MYOF: variants seen among roughly 807,000 people sequenced by gnomAD.
MYOF encodes myoferlin.
In MYOF, 244 loss-of-function variants were observed where a neutral mutation model predicts 284.2. That is an observed-to-expected ratio of 0.86 (90% CI 0.77 to 0.95). The LOEUF (loss-of-function observed/expected upper bound fraction) is 0.95, where lower values mean the gene tolerates loss of function less well. Among genes scored for constraint, MYOF ranks in the 40% least tolerant of loss-of-function variants. The probability of loss-of-function intolerance (pLI) is 0.00; values close to 1 mark genes in which losing one functional copy is unlikely to be tolerated. For synonymous variants in MYOF, 904 were observed against 919.7 expected, an observed-to-expected ratio of 0.98 and a Z score of 0.31; for missense variants, 2,496 against 2,560.6, an observed-to-expected ratio of 0.97 and a Z score of 0.54.
chr10:93,372,897 G>C, intron 24 of MYOF, 33 bp downstream of exon 24: 4 of 1,612,644 alleles, frequency 2.5e-6, no homozygotes, highest in Non-Finnish European at 3.4e-6. Flanking sequence ...TTTGCATTTA[G>C]TGTGTTTCAC....
At chr10:93,473,641 G>A (rs1441583255) in intron 1 of MYOF, among the ~76,000 whole-genome samples, 1 of 152,204 alleles carries the variant, frequency 6.6e-6, no homozygotes, top group Non-Finnish European at 1.5e-5. Flanking sequence ...GCTCTTGTGA[G>A]GTCTGTGATC....
At chr10:93,332,539 CT>C (rs1212225047) in intron 43 of MYOF, among the ~76,000 whole-genome samples, 2 of 151,286 alleles carry the variant, frequency 1.3e-5, no homozygotes, top group Non-Finnish European at 2.9e-5. Context: ...CTCTTAAAAG[CT>C]AAGTACATTA....
At chr10:93,475,656 A>G (rs1218097739) in intron 1 of MYOF, among the ~76,000 whole-genome samples, 1 of 152,206 alleles carries the variant, frequency 6.6e-6, no homozygotes, top group Non-Finnish European at 1.5e-5. Context: ...TATATTCAAC[A>G]TCAGTGATGT....
In MYOF at chr10:93,429,240, G is replaced by A. The variant is rs117426889; in HGVS notation, c.345+2168C>T. Among the ~76,000 whole-genome samples the A allele has an allele frequency of 5.8e-3, 878 of 152,156 alleles. 2 individuals carry two copies. The highest frequency in any genetic ancestry group is 9.9e-3 in the Non-Finnish European group (675 of 68,012). On this transcript the variant is annotated intron_variant, in intron 4 of 53. Transcript: ENST00000359263. Reference sequence around the variant, plus strand: ...TGCTCCCTTTCTCACTATGTGTCACGCCTGCTTCCTCTCCACCTTCCCCCA... The same window carrying A: ...TGCTCCCTTTCTCACTATGTGTCACACCTGCTTCCTCTCCACCTTCCCCCA...
rs1215948526 is a variant in MYOF at position 93,401,818 on chromosome 10, TGTGTGTGTGTGTGA to T, written c.991-288_991-275del. ...GTGTGTGTGTGTGTGTGTGTGTGTGTGTGTGTGTGTGTGATCCTGATGTCCCTTCAACTTCTCTC... is the reference window on the plus strand; with the variant it reads ...GTGTGTGTGTGTGTGTGTGTGTGTGTTCCTGATGTCCCTTCAACTTCTCTC... On this transcript the variant is annotated intron_variant, in intron 11 of 53. Coordinates refer to ENST00000359263, the MANE Select transcript of MYOF (RefSeq NM_013451.4). Among the ~76,000 whole-genome samples the T allele has an allele frequency of 8.6e-4, 67 of 78,306 alleles. No homozygotes were observed. The Middle Eastern group carries it at 0.036, about 42-fold the overall frequency. The allele number at this position is 78,306 out of a possible 152,430, so 51.4% of individuals were successfully genotyped here.
At chr10:93,437,586 C>G (rs980953805) in intron 3 of MYOF, among the ~76,000 whole-genome samples, 7 of 152,318 alleles carry the variant, frequency 4.6e-5, no homozygotes, top group African/African-American at 1.7e-4. Flanking sequence ...GATCGCAGCA[C>G]GGTCTCAACT....
chr10:93,430,060 A>T (rs1848768597), intron 4 of MYOF, among the ~76,000 whole-genome samples: 1 of 151,170 alleles, frequency 6.6e-6, no homozygotes, highest in African/African-American at 2.4e-5. Context: ...TCAGCCTCCC[A>T]AGTAGATGGG....
intron 1 of MYOF, among the ~76,000 whole-genome samples, chr10:93,481,872 C>A (rs754658948): frequency 2.0e-5 from 3 of 152,154 alleles, no homozygotes; most frequent in Non-Finnish European, 4.4e-5. Context: ...CAAGAGCTTA[C>A]AGAAATCACA....
intron 19 of MYOF, among the ~76,000 whole-genome samples, chr10:93,382,116 G>A (rs765417534): frequency 6.6e-6 from 1 of 152,140 alleles, no homozygotes; most frequent in Non-Finnish European, 1.5e-5. Flanking sequence ...AAGAAGGTCT[G>A]GAGGAATATA....
chr10:93,362,098 C>T (rs879898628), intron 27 of MYOF, among the ~76,000 whole-genome samples: 8 of 151,848 alleles, frequency 5.3e-5, no homozygotes, highest in African/African-American at 1.2e-4. Flanking sequence ...TACAGGTGTG[C>T]GCCACCATGC....
At chr10:93,331,759 CAG>C (rs1191382390) in intron 43 of MYOF, among the ~76,000 whole-genome samples, 16 of 151,812 alleles carry the variant, frequency 1.1e-4, no homozygotes, top group Admixed American at 8.5e-4. Flanking sequence ...TGACACATGA[CAG>C]AGAAAGAATA....
At chr10:93,339,828 A>C (rs897612543) in intron 39 of MYOF, among the ~76,000 whole-genome samples, 4 of 152,008 alleles carry the variant, frequency 2.6e-5, no homozygotes, top group Non-Finnish European at 5.9e-5. Flanking sequence ...GCCTGTAATC[A>C]CAGCACTTTG....
chr10:93,340,761 T>C (rs987425818), intron 38 of MYOF, among the ~76,000 whole-genome samples: 1 of 11,832 alleles, frequency 8.5e-5, no homozygotes, highest in Admixed American at 6.4e-4. Flanking sequence ...TTTCATGTGA[T>C]TTTTTTTTAA....
intron 37 of MYOF, among the ~76,000 whole-genome samples, chr10:93,345,954 A>T (rs1345031554): frequency 6.6e-6 from 1 of 152,182 alleles, no homozygotes; most frequent in Non-Finnish European, 1.5e-5. Context: ...GGGCCAGAGA[A>T]AGCGTGTAGC....
chr10:93,412,871 C>T (rs1344844431), intron 5 of MYOF, among the ~76,000 whole-genome samples: 1 of 152,204 alleles, frequency 6.6e-6, no homozygotes, highest in African/African-American at 2.4e-5. Flanking sequence ...CCAACCTTGG[C>T]ACCAGCCTCG....
intron 1 of MYOF, among the ~76,000 whole-genome samples, chr10:93,477,263 G>T (rs1295729370): frequency 1.3e-5 from 2 of 148,832 alleles, no homozygotes; most frequent in East Asian, 2.0e-4. Flanking sequence ...AGGCCGAGGC[G>T]GGTGGATCAC....
intron 1 of MYOF, among the ~76,000 whole-genome samples, chr10:93,466,944 C>T (rs988996106): frequency 4.6e-4 from 70 of 152,146 alleles, no homozygotes; most frequent in African/African-American, 1.6e-3. Context: ...GGCCACTGCA[C>T]TCCAGCCTGG....
intron 50 of MYOF, among the ~76,000 whole-genome samples, chr10:93,316,302 AGAG>A (rs1304970754): frequency 4.6e-5 from 7 of 151,660 alleles, no homozygotes; most frequent in Non-Finnish European, 8.8e-5. Flanking sequence ...CCCTTACCAC[AGAG>A]GAGAATGGGC....
In MYOF at chr10:93,328,919, T is replaced by G. The variant is rs765101248; in HGVS notation, c.4983-8A>C. The G allele has an allele frequency of 6.3e-7, 1 of 1,588,352 alleles. No individual in the cohort carries two copies. On this transcript the variant is annotated splice_region_variant and splice_polypyrimidine_tract_variant and intron_variant, in intron 44 of 53. Transcript: ENST00000359263. ...CAGGTATTGACTCCAGAACTGTGAA[T>G]AGCATCACGTGGCTCGGAGTTACGG...
Sources: allele counts gnomAD v4.1 joint callset (sites outside exome capture counted in the v4.1 genomes callset), GRCh38; gene constraint gnomAD v4.1.1; transcripts MANE v1.5; gene names NCBI Gene and HGNC (gene_info 2026-07-23, HGNC 2026-07-21).